The following TRPM3 variants were observed in gnomAD, a reference collection of about 807,000 sequenced individuals.
TRPM3 encodes long transient receptor potential channel 3.
A neutral mutation model predicts 181.2 loss-of-function variants in TRPM3; 77 were observed. The observed-to-expected ratio is 0.42, with a 90% CI of 0.35 to 0.51. The LOEUF is 0.51. Among genes scored for constraint, TRPM3 ranks in the 20% least tolerant of loss-of-function variants. The probability of loss-of-function intolerance (pLI) is 0.01; values close to 1 mark genes in which losing one functional copy is unlikely to be tolerated. For synonymous variants in TRPM3, 745 were observed against 796.4 expected, an observed-to-expected ratio of 0.94 and a Z score of 1.09; for missense variants, 1,759 against 2,196.7, an observed-to-expected ratio of 0.80 and a Z score of 3.98.
chr9:70,788,513 C>T (rs1035201835), intron 6 of TRPM3, among the ~76,000 whole-genome samples: 3 of 152,060 alleles, frequency 2.0e-5, no homozygotes, highest in African/African-American at 7.2e-5. Context: ...CTGTGTATAG[C>T]AGTGGTCTCC....
At chr9:70,880,072 A>G (rs1432734387) in intron 1 of TRPM3, among the ~76,000 whole-genome samples, 1 of 152,140 alleles carries the variant, frequency 6.6e-6, no homozygotes, top group Non-Finnish European at 1.5e-5. Flanking sequence ...ATTATAGCCT[A>G]ATAGCTCATT....
intron 1 of TRPM3, chr9:70,917,172 G>C (rs564619844): frequency 6.2e-7 from 1 of 1,605,760 alleles, no homozygotes; most frequent in Non-Finnish European, 8.5e-7. Flanking sequence ...AGTTCTAGGA[G>C]GAGTTTCTGC....
intron 1 of TRPM3, among the ~76,000 whole-genome samples, chr9:71,032,026 TA>T (rs1322219727): frequency 0.016 from 2 of 126 alleles, no homozygotes; most frequent in African/African-American, 0.022. Context: ...TATATATATA[TA>T]ATATAAATAT....
chr9:71,217,106 ACGCC>A (rs1195935000), intron 1 of TRPM3, among the ~76,000 whole-genome samples: 1 of 150,354 alleles, frequency 6.7e-6, no homozygotes, highest in Non-Finnish European at 1.5e-5. Flanking sequence ...GCCCGCTACC[ACGCC>A]CGGCTAATTT....
intron 8 of TRPM3, among the ~76,000 whole-genome samples, chr9:70,693,050 G>A (rs779647428): frequency 4.6e-5 from 7 of 152,084 alleles, no homozygotes; most frequent in Non-Finnish European, 7.4e-5. Context: ...TTTGTGATGA[G>A]GGCAAAAAAT....
At chr9:71,099,265 T>G (rs1054262279) in intron 1 of TRPM3, among the ~76,000 whole-genome samples, 9 of 152,248 alleles carry the variant, frequency 5.9e-5, no homozygotes, top group Admixed American at 2.6e-4. Flanking sequence ...GAGCCTCTTT[T>G]GTAAGGGCAC....
At chr9:71,326,912 T>A (rs938555724) in intron 1 of TRPM3, among the ~76,000 whole-genome samples, 5 of 152,150 alleles carry the variant, frequency 3.3e-5, no homozygotes, top group Non-Finnish European at 7.4e-5. Flanking sequence ...AGAACAAGCA[T>A]CCTACATTCA....
In TRPM3 at chr9:70,965,592, G is replaced by A. The variant is rs143950612; in HGVS notation, c.178-101081C>T. 2.6e-3 allele frequency among the ~76,000 whole-genome samples: 393 copies of A among 152,138 alleles called. 4 individuals carry two copies. Among genetic ancestry groups the A allele is most frequent in the African/African-American group, 9.1e-3 (377 of 41,540 alleles). On this transcript the variant is annotated intron_variant, in intron 1 of 25. Transcript: ENST00000677713. ...TGAGGAATCACATTTATTGATTTGT[G>A]TATGTTGAACCAACCTTGCATCCCA...
intron 1 of TRPM3, among the ~76,000 whole-genome samples, chr9:71,203,813 C>T (rs2078948546): frequency 6.6e-6 from 1 of 152,126 alleles, no homozygotes; most frequent in Non-Finnish European, 1.5e-5. Flanking sequence ...CCTCCACCTC[C>T]TTCTTTTCTG....
intron 1 of TRPM3, among the ~76,000 whole-genome samples, chr9:71,024,034 G>T (rs2097869100): frequency 6.6e-6 from 1 of 152,182 alleles, no homozygotes; most frequent in African/African-American, 2.4e-5. Flanking sequence ...ATTGTACAAT[G>T]TCAATGTCCT....
At chr9:70,841,624 CTATATATA>C (rs72421594) in intron 5 of TRPM3, among the ~76,000 whole-genome samples, 2,519 of 72,864 alleles carry the variant, frequency 0.035, 59 homozygotes, top group Non-Finnish European at 0.043. Flanking sequence ...CTATATCCCA[CTATATATA>C]TATATATATA....
chr9:70,918,697 C>T (rs2096625655), intron 1 of TRPM3, among the ~76,000 whole-genome samples: 1 of 151,948 alleles, frequency 6.6e-6, no homozygotes, highest in Admixed American at 6.6e-5. Context: ...CCTAACAATG[C>T]ATCTTAAAGC....
intron 1 of TRPM3, among the ~76,000 whole-genome samples, chr9:71,011,411 T>C (rs886269966): frequency 6.6e-6 from 1 of 152,126 alleles, no homozygotes; most frequent in African/African-American, 2.4e-5. Context: ...CCCACAAATA[T>C]GTAGTTATGC....
intron 1 of TRPM3, among the ~76,000 whole-genome samples, chr9:71,346,481 T>G (rs2091300514): frequency 6.6e-6 from 1 of 152,220 alleles, no homozygotes; most frequent in South Asian, 2.1e-4. Flanking sequence ...TTGCATTAGC[T>G]TTCTGGTAAA....
At chr9:70,756,948 A>T (rs1477495528) in intron 8 of TRPM3, among the ~76,000 whole-genome samples, 1 of 152,124 alleles carries the variant, frequency 6.6e-6, no homozygotes, top group African/African-American at 2.4e-5. Flanking sequence ...AGAGCAAACA[A>T]ATTCAAAAGC....
intron 1 of TRPM3, among the ~76,000 whole-genome samples, chr9:70,866,694 A>T (rs2095657036): frequency 6.6e-6 from 1 of 151,986 alleles, no homozygotes. Context: ...CACTAACAAG[A>T]TATATAGGAA....
intron 6 of TRPM3, among the ~76,000 whole-genome samples, chr9:70,809,685 G>A (rs922053206): frequency 1.3e-5 from 2 of 152,172 alleles, no homozygotes; most frequent in Non-Finnish European, 2.9e-5. Flanking sequence ...ATTCATTTCT[G>A]AGGATATAGT....
chr9:70,555,635 C>T (rs1257730440), intron 22 of TRPM3, among the ~76,000 whole-genome samples: 1 of 152,176 alleles, frequency 6.6e-6, no homozygotes, highest in Non-Finnish European at 1.5e-5. Context: ...GAAATCCTGC[C>T]CTCAGCTTGG....
At chr9:71,423,567 G>A (rs1361419900) in intron 1 of TRPM3, among the ~76,000 whole-genome samples, 1 of 152,028 alleles carries the variant, frequency 6.6e-6, no homozygotes, top group Admixed American at 6.6e-5. Context: ...AATATTTTAT[G>A]CTTATTACTG....
Sources: gnomAD v4.1 joint callset for allele counts (sites outside exome capture counted in the v4.1 genomes callset) on GRCh38, gnomAD v4.1.1 for gene constraint, MANE v1.5 for transcripts, NCBI Gene and HGNC (gene_info 2026-07-23, HGNC 2026-07-21) for gene names.